Variants in PRSS23 observed in about 807,000 individuals in gnomAD.
PRSS23 encodes the protein protease, serine 23.
PRSS23 carries 25 observed loss-of-function variants against 34.7 expected under a neutral mutation model. The ratio of observed to expected loss-of-function variants is 0.72; its 90% CI spans 0.53 to 1.01. PRSS23 has a LOEUF of 1.01. Ranked by LOEUF, PRSS23 falls within the 50% of genes least tolerant of loss-of-function variation. The pLI is 0.00. For synonymous variants in PRSS23, 176 were observed against 186.6 expected (o/e 0.94, Z 0.46); for missense variants, 445 against 475.6 (o/e 0.94, Z 0.60).
At chr11:86,876,852 C>T (rs1465734858) in intron 2 of PRSS23, among the ~76,000 whole-genome samples, 3 of 152,030 alleles carry the variant, frequency 2.0e-5, no homozygotes, top group African/African-American at 7.3e-5. Context: ...CAAGTGGGCC[C>T]CTAAATAGGA....
At chr11:86,827,033 T>C (rs1396373568) in intron 2 of PRSS23, among the ~76,000 whole-genome samples, 1 of 152,196 alleles carries the variant, frequency 6.6e-6, no homozygotes, top group South Asian at 2.1e-4. Context: ...GGATTCCCTC[T>C]TTTTCTATTG....
intron 2 of PRSS23, among the ~76,000 whole-genome samples, chr11:86,827,637 A>G (rs1283324544): frequency 1.3e-5 from 2 of 152,122 alleles, no homozygotes; most frequent in East Asian, 3.9e-4. Flanking sequence ...ATTTAGTGCT[A>G]TAAATTTCCC....
intron 2 of PRSS23, among the ~76,000 whole-genome samples, chr11:86,929,103 C>T (rs184870970): frequency 2.0e-4 from 30 of 152,216 alleles, no homozygotes; most frequent in African/African-American, 5.8e-4. Flanking sequence ...GGGCAGATCA[C>T]CTGAGGTTGG....
chr11:86,926,482 T>C (rs1386197790), intron 2 of PRSS23, among the ~76,000 whole-genome samples: 1 of 152,150 alleles, frequency 6.6e-6, no homozygotes, highest in African/African-American at 2.4e-5. Context: ...AGAGTTTAAA[T>C]AAAGGGGTAC....
At chr11:86,909,469 TC>T (rs1948963886) in intron 2 of PRSS23, 1 of 152,254 alleles carries the variant, frequency 6.6e-6, no homozygotes, top group African/African-American at 2.4e-5. Flanking sequence ...CTGGCTCTCA[TC>T]TAGTTCAACT....
chr11:86,910,047 C>G (rs1948967790), intron 2 of PRSS23: 1 of 151,788 alleles, frequency 6.6e-6, no homozygotes, highest in African/African-American at 2.4e-5. Context: ...GTCCAAAAAA[C>G]TTCAACTCTT....
chr11:86,808,911 AG>A lies in PRSS23; in HGVS notation c.*118del. The A allele has an allele frequency of 1.4e-6, 1 of 719,866 alleles. No homozygotes were observed. The highest frequency in any genetic ancestry group is 2.2e-6 in the Non-Finnish European group (1 of 448,478). 44.6% of individuals were successfully genotyped at this position (719,866 alleles called of 1,614,324 possible). On this transcript the variant is annotated 3_prime_UTR_variant, in exon 2 of 2. Coordinates refer to ENST00000280258, the MANE Select transcript of PRSS23 (RefSeq NM_007173.6). ...GTGTGTGTGTGTGTGTGTGTGTGTAAGGTGTCTTATAATCTTTTACCTATTT... is the reference window on the plus strand; with the variant it reads ...GTGTGTGTGTGTGTGTGTGTGTGTAAGTGTCTTATAATCTTTTACCTATTT...
intron 2 of PRSS23, among the ~76,000 whole-genome samples, chr11:86,929,277 G>A (rs1181465459): frequency 6.7e-6 from 1 of 150,320 alleles, no homozygotes; most frequent in Non-Finnish European, 1.5e-5. Flanking sequence ...AGCCAAGATC[G>A]CGCCATTGTA....
At chr11:86,911,448 G>C (rs1349988116) in intron 2 of PRSS23, 1 of 152,068 alleles carries the variant, frequency 6.6e-6, no homozygotes, top group East Asian at 1.9e-4. Context: ...CTTCCAACAG[G>C]TAGTTTTTCA....
intron 2 of PRSS23, among the ~76,000 whole-genome samples, chr11:86,829,592 C>T (rs1041505779): frequency 2.0e-5 from 3 of 152,152 alleles, no homozygotes; most frequent in Admixed American, 1.3e-4. Flanking sequence ...AGTTTTTCTG[C>T]TCTGTTTTTT....
chr11:86,879,269 G>T (rs1258801084), intron 2 of PRSS23, among the ~76,000 whole-genome samples: 2 of 149,498 alleles, frequency 1.3e-5, no homozygotes, highest in Non-Finnish European at 3.0e-5. Context: ...CCTCTACCCA[G>T]CTGCGACCCC....
chr11:86,948,823 T>A (rs566827466), intron 2 of PRSS23: 4 of 152,556 alleles, frequency 2.6e-5, no homozygotes, highest in Admixed American at 1.3e-4. Context: ...AAAACTGCAT[T>A]ACAAACCTCT....
downstream of PRSS23, among the ~76,000 whole-genome samples, chr11:86,812,787 C>CAAAAAAAAAAAAAA (rs35855610): frequency 1.2e-5 from 1 of 83,916 alleles, no homozygotes; most frequent in African/African-American, 4.1e-5. Context: ...GACTCTGTCT[C>CAAAAAAAAAAAAAA]AAAAAAAAAA....
At chr11:86,827,690 T>G (rs529261016) in intron 2 of PRSS23, among the ~76,000 whole-genome samples, 4 of 152,378 alleles carry the variant, frequency 2.6e-5, no homozygotes, top group African/African-American at 9.6e-5. Context: ...TCTGGTATGT[T>G]GTGTCTTTGT....
At chr11:86,815,892 C>T (rs945204610), downstream of PRSS23, among the ~76,000 whole-genome samples, 8 of 152,168 alleles carry the variant, frequency 5.3e-5, no homozygotes, top group African/African-American at 1.9e-4. Context: ...TTAACTATGA[C>T]AGCAGATTCC....
At chr11:86,951,094 C>T (rs12574787) in intron 2 of PRSS23, 1 of 1,595,612 alleles carries the variant, frequency 6.3e-7, no homozygotes, top group Admixed American at 1.7e-5. Context: ...CTCCAAAATG[C>T]TGGCATTCCC....
chr11:86,916,537 A>T (rs1018368235), intron 2 of PRSS23, among the ~76,000 whole-genome samples: 2 of 152,330 alleles, frequency 1.3e-5, no homozygotes, highest in Non-Finnish European at 1.5e-5. Context: ...TACTGACAGG[A>T]AGTGTGTGTC....
At chr11:86,841,759 A>G (rs1038781008) in intron 2 of PRSS23, among the ~76,000 whole-genome samples, 1 of 152,214 alleles carries the variant, frequency 6.6e-6, no homozygotes, top group Non-Finnish European at 1.5e-5. Flanking sequence ...GAATAGACCA[A>G]TAAGAAGGTC....
chr11:86,951,075 T>C (rs1009682639), intron 2 of PRSS23: 8 of 1,543,972 alleles, frequency 5.2e-6, no homozygotes, highest in African/African-American at 4.1e-5. Context: ...AAACTTTTAG[T>C]AGAATTTCCT....
Sources: gnomAD v4.1 joint callset for allele counts (sites outside exome capture counted in the v4.1 genomes callset) on GRCh38, gnomAD v4.1.1 for gene constraint, MANE v1.5 for transcripts, NCBI Gene and HGNC (gene_info 2026-07-23, HGNC 2026-07-21) for gene names.